Variants in RP2 observed in about 807,000 individuals in gnomAD.
The protein encoded by RP2 is RP2 activator of ARL3 GTPase, also known as protein XRP2.
A neutral mutation model predicts 20.3 loss-of-function variants in RP2; 3 were observed. The observed-to-expected ratio is 0.15, with a 90% CI of 0.07 to 0.38. The LOEUF is 0.38. RP2 is among the 10% of genes least tolerant of loss of function. RP2 has a pLI of 1.00. For missense variants in RP2, 233 were observed against 268.5 expected (o/e 0.87, Z 0.92); for synonymous variants, 75 against 94.8 (o/e 0.79, Z 1.22).
intron 1 of RP2, among the ~76,000 whole-genome samples, chrX:46,848,478 G>C (rs1271774113): frequency 9.5e-6 from 1 of 105,150 alleles, no homozygotes; most frequent in Non-Finnish European, 2.0e-5. Context: ...CTGCCTCCTG[G>C]GTTCAAGCGA....
intron 3 of RP2, among the ~76,000 whole-genome samples, chrX:46,866,366 G>GTATCTATC (rs201681621): frequency 1.8e-5 from 2 of 111,240 alleles, no homozygotes; most frequent in African/African-American, 6.6e-5. Context: ...CTATAATCCT[G>GTATCTATC]TATCTATCTA....
chrX:46,849,922 G>A (rs370930875), intron 1 of RP2, among the ~76,000 whole-genome samples: 6 of 111,721 alleles, frequency 5.4e-5, no homozygotes, highest in African/African-American at 2.0e-4. Context: ...TGATCTGATA[G>A]GATTAGTGTC....
intron 1 of RP2, among the ~76,000 whole-genome samples, chrX:46,852,311 G>A (rs1436456052): frequency 8.9e-6 from 1 of 111,928 alleles, no homozygotes; most frequent in African/African-American, 3.2e-5. Flanking sequence ...AGGAGCGAAA[G>A]AAGGAGTGAA....
intron 3 of RP2, among the ~76,000 whole-genome samples, chrX:46,862,516 C>T (rs782009288): frequency 0.025 from 2,750 of 110,221 alleles, 87 homozygotes; most frequent in African/African-American, 0.086. Context: ...AAAAATTAGC[C>T]GGGCGTGGTG....
chrX:46,852,818 T>A (rs2147080959), intron 1 of RP2, among the ~76,000 whole-genome samples: 1 of 111,182 alleles, frequency 9.0e-6, no homozygotes. Flanking sequence ...CCTGGTCTCA[T>A]CTGATCCTCC....
chrX:46,845,560 G>A (rs1238866210), intron 1 of RP2, among the ~76,000 whole-genome samples: 1 of 111,247 alleles, frequency 9.0e-6, no homozygotes, highest in Non-Finnish European at 1.9e-5. Flanking sequence ...TGGTTCCATC[G>A]CCCCCAAAAG....
chrX:46,837,341 GA>G (rs1924531440), intron 1 of RP2, 139 bp downstream of exon 1: 8 of 661,604 alleles, frequency 1.2e-5, no homozygotes, highest in Non-Finnish European at 1.9e-5. Flanking sequence ...CGGGGTGCAC[GA>G]CTTTTTTGGG....
At chrX:46,859,852 C>A in intron 2 of RP2, 136 bp from the exon 3 acceptor site, 1 of 500,178 alleles carries the variant, frequency 2.0e-6, no homozygotes, top group Non-Finnish European at 3.5e-6. Flanking sequence ...AGCAAACACC[C>A]TGAATTAGAC....
rs1333320839 is a variant in RP2 at position 46,881,714 on chromosome X, A to G, written c.*1945A>G. On this transcript the variant is annotated 3_prime_UTR_variant, in exon 5 of 5. Transcript: ENST00000218340. ...GGTCTCGAACTCCTGACCTCAGGTG[A>G]TCCGTCCACCTCAGCCTCCCAAAGA... The G allele has an allele frequency of 9.0e-6, 1 of 110,875 alleles. No homozygotes were observed. Among genetic ancestry groups the G allele is most frequent in the Non-Finnish European group, 1.9e-5 (1 of 53,035 alleles). 9.1% of individuals were successfully genotyped at this position (110,875 alleles called of 1,213,427 possible). A position where few individuals can be genotyped will look rare whatever the true frequency, so the allele number is the denominator to read the frequency against.
intron 3 of RP2, among the ~76,000 whole-genome samples, chrX:46,875,429 GAATA>G (rs1170949073): frequency 9.1e-6 from 1 of 110,149 alleles, no homozygotes; most frequent in East Asian, 2.8e-4. Context: ...CAGAAAAGCA[GAATA>G]AATAAAGAGA....
At chrX:46,879,648 G>C in intron 4 of RP2, 38 bp from the exon 5 acceptor site, 1 of 934,801 alleles carries the variant, frequency 1.1e-6, no homozygotes, top group Non-Finnish European at 1.5e-6. Context: ...TGAAGTACTT[G>C]GTACTGATTT....
At chrX:46,848,451 C>A (rs1556317454) in intron 1 of RP2, among the ~76,000 whole-genome samples, 1 of 101,968 alleles carries the variant, frequency 9.8e-6, no homozygotes, top group African/African-American at 3.6e-5. Context: ...GTGGTGCGAT[C>A]TCGGCTCACT....
At chrX:46,866,714 T>C (rs1925178922) in intron 3 of RP2, among the ~76,000 whole-genome samples, 1 of 111,905 alleles carries the variant, frequency 8.9e-6, no homozygotes, top group Non-Finnish European at 1.9e-5. Context: ...TTGGCACACA[T>C]TTCTAATACT....
In RP2 at chrX:46,853,937, T is replaced by C. The variant is rs1556318678; in HGVS notation, c.564T>C (p.Leu188=). 8.3e-7 allele frequency: 1 copy of C among 1,211,866 alleles called. No individual in the cohort carries two copies. The highest frequency in any genetic ancestry group is 1.8e-5 in the South Asian group (1 of 56,996). ...TGTCAGGAGAACTCAACTGGAGCCTTCTTCCAGAAGATGCTGTGGTTCAGG... is the reference window on the plus strand; with the variant it reads ...TGTCAGGAGAACTCAACTGGAGCCTCCTTCCAGAAGATGCTGTGGTTCAGG... ...TPVSGELNWS[L]LPEDAVVQDY... The change falls in exon 2 of 5, where the codon CTT becomes CTC. Residue 188 remains leucine (L), a synonymous_variant. Transcript: ENST00000218340.
At chrX:46,860,300 CT>C (rs200924155) in intron 3 of RP2, among the ~76,000 whole-genome samples, 198 bp downstream of exon 3, 1 of 109,383 alleles carries the variant, frequency 9.1e-6, no homozygotes, top group Non-Finnish European at 1.9e-5. Context: ...ATTAGGCATT[CT>C]TTTTTTTTCC....
chrX:46,853,527 C>T lies in RP2; in HGVS notation c.154C>T (p.Arg52Cys), dbSNP rs1924896260. Residue 52 changes from arginine (R) to cysteine (C), a missense_variant, in exon 2 of 5, where the codon CGC becomes TGC. Physicochemically the swap from Arg to Cys is radical, Grantham distance 180. This residue lies in a region of RP2 where 77 missense variants were observed against 71.8 expected (regional missense o/e 1.07). Transcript: ENST00000218340. Reference protein sequence around the residue: ...FSGLKDETVGRLPGTVAGQQF... With the variant: ...FSGLKDETVGCLPGTVAGQQF... ...TGGACTGAAGGATGAAACAGTAGGT[C>T]GCTTACCTGGGACGGTAGCAGGACA... The T allele has an allele frequency of 4.1e-6, 5 of 1,208,782 alleles. No individual in the cohort carries two copies. The highest frequency in any genetic ancestry group is 2.3e-4 in the Middle Eastern group (1 of 4,350).
At chrX:46,872,209 G>T (rs1410802310) in intron 3 of RP2, among the ~76,000 whole-genome samples, 1 of 112,127 alleles carries the variant, frequency 8.9e-6, no homozygotes, top group Non-Finnish European at 1.9e-5. Context: ...GTGTTTTATT[G>T]TAAAGATTTA....
At position 46,854,154 on chromosome X, in the gene RP2, A is replaced by G. The variant is rs1284693367; in HGVS notation, c.768+13A>G. The G allele has an allele frequency of 4.2e-6, 5 of 1,194,126 alleles. No homozygotes were observed. Among genetic ancestry groups the G allele is most frequent in the Admixed American group, 4.3e-5 (2 of 45,985 alleles). Reference sequence around the variant, plus strand: ...ACTAATTGATGAGGTAAGGAGAAAGAGAAGAGAAATAGTCATACACCTAGA... The same window carrying G: ...ACTAATTGATGAGGTAAGGAGAAAGGGAAGAGAAATAGTCATACACCTAGA... On this transcript the variant is annotated intron_variant, in intron 2 of 4. Coordinates refer to ENST00000218340, the MANE Select transcript of RP2 (RefSeq NM_006915.3).
At chrX:46,862,011 A>G (rs1474783874) in intron 3 of RP2, among the ~76,000 whole-genome samples, 2 of 112,287 alleles carry the variant, frequency 1.8e-5, no homozygotes, top group Non-Finnish European at 3.8e-5. Flanking sequence ...TTCCAACCCC[A>G]ATGTAATAAT....
Sources: gnomAD v4.1 joint callset for allele counts (sites outside exome capture counted in the v4.1 genomes callset) on GRCh38, gnomAD v4.1.1 for gene constraint, gnomAD v4.1.1 regional missense constraint, MANE v1.5 for transcripts, NCBI Gene and HGNC (gene_info 2026-07-23, HGNC 2026-07-21) for gene names.